PLGRKT: variants seen among roughly 807,000 people sequenced by gnomAD.
PLGRKT encodes the protein plasminogen receptor (KT).
PLGRKT carries 22 observed loss-of-function variants against 18.5 expected under a neutral mutation model. That is an observed-to-expected ratio of 1.19 (90% confidence interval 0.85 to 1.70). The LOEUF (loss-of-function observed/expected upper bound fraction) is 1.70. Ranked by LOEUF, PLGRKT falls within the 40% of genes most tolerant of loss-of-function variation. The pLI, the probability that PLGRKT is intolerant of heterozygous loss-of-function variation, is 0.00. For missense variants in PLGRKT, 235 were observed against 174.4 expected (o/e 1.35, Z -1.96); for synonymous variants, 72 against 52.8 (o/e 1.36, Z -1.58).
At chr9:5,367,060 CACACA>C (rs1817407908) in intron 3 of PLGRKT, among the ~76,000 whole-genome samples, 1 of 149,856 alleles carries the variant, frequency 6.7e-6, no homozygotes, top group African/African-American at 2.5e-5. Flanking sequence ...CACACACACA[CACACA>C]CACCCCTAGG....
chr9:5,406,496 A>T (rs1490219387), intron 3 of PLGRKT, among the ~76,000 whole-genome samples: 1 of 152,108 alleles, frequency 6.6e-6, no homozygotes, highest in Non-Finnish European at 1.5e-5. Context: ...ATCCTCAACA[A>T]ACTAACGCAG....
chr9:5,410,801 C>T (rs1818348125), intron 3 of PLGRKT, among the ~76,000 whole-genome samples: 2 of 152,168 alleles, frequency 1.3e-5, no homozygotes, highest in South Asian at 4.2e-4. Flanking sequence ...GAAATGGCAT[C>T]AGTATATCAA....
At chr9:5,396,693 T>C (rs996424149) in intron 3 of PLGRKT, among the ~76,000 whole-genome samples, 1 of 151,964 alleles carries the variant, frequency 6.6e-6, no homozygotes, top group Non-Finnish European at 1.5e-5. Context: ...TTAAAAATAA[T>C]AAATAAAGAC....
chr9:5,362,854 G>T (rs769980740), intron 3 of PLGRKT, among the ~76,000 whole-genome samples: 1 of 152,096 alleles, frequency 6.6e-6, no homozygotes, highest in Non-Finnish European at 1.5e-5. Flanking sequence ...GCCTCAGATG[G>T]GTTTGGGAAT....
chr9:5,427,083 A>C (rs1442662812), intron 3 of PLGRKT, among the ~76,000 whole-genome samples: 1 of 152,240 alleles, frequency 6.6e-6, no homozygotes, highest in African/African-American at 2.4e-5. Flanking sequence ...GAAAATATTA[A>C]ATGGAAAATT....
intron 3 of PLGRKT, among the ~76,000 whole-genome samples, chr9:5,420,344 G>A (rs1321529526): frequency 6.6e-6 from 1 of 152,168 alleles, no homozygotes; most frequent in Non-Finnish European, 1.5e-5. Flanking sequence ...GCACAACACT[G>A]TACATGTACT....
rs1273309870 is a variant in PLGRKT, at chr9:5,415,186, G to A, written c.81+16711C>T. 3.9e-5 allele frequency among the ~76,000 whole-genome samples: 6 copies of A among 152,106 alleles called. No homozygotes were observed. The East Asian group carries it at 1.2e-3, about 29-fold the overall frequency. On this transcript the variant is annotated intron_variant, in intron 3 of 5. Transcript: ENST00000223864. ...GAAGCAGGTACTCAAAAAAGGATGG[G>A]TTCTATTAAAAAGATATAGAAAGCA... is the stretch of plus-strand genomic sequence containing the variant.
intron 5 of PLGRKT, 27 bp from the exon 6 acceptor site, chr9:5,358,387 G>A: frequency 6.2e-7 from 1 of 1,609,198 alleles, no homozygotes; most frequent in Non-Finnish European, 8.5e-7. Context: ...AAATACACAA[G>A]GTGACAAAGG....
At chr9:5,407,834 A>G (rs918723876) in intron 3 of PLGRKT, among the ~76,000 whole-genome samples, 1 of 152,234 alleles carries the variant, frequency 6.6e-6, no homozygotes, top group African/African-American at 2.4e-5. Context: ...TAATTTTAAA[A>G]GAAAAGCAAA....
At chr9:5,389,415 A>C (rs2131107094) in intron 3 of PLGRKT, among the ~76,000 whole-genome samples, 1 of 152,026 alleles carries the variant, frequency 6.6e-6, no homozygotes. Context: ...TATGTTCTGC[A>C]GGAGAACATG....
At chr9:5,412,934 G>C (rs1390796632) in intron 3 of PLGRKT, among the ~76,000 whole-genome samples, 2 of 150,916 alleles carry the variant, frequency 1.3e-5, no homozygotes, top group Non-Finnish European at 2.9e-5. Flanking sequence ...CCAATAAACA[G>C]AAAATTCACA....
At chr9:5,431,440 A>C (rs748448492) in intron 3 of PLGRKT, among the ~76,000 whole-genome samples, 67 of 151,510 alleles carry the variant, frequency 4.4e-4, no homozygotes, top group Non-Finnish European at 8.7e-4. Flanking sequence ...AGGCTGAGGC[A>C]CAAGAATCGC....
chr9:5,388,237 T>C (rs958413795), intron 3 of PLGRKT, among the ~76,000 whole-genome samples: 1 of 151,624 alleles, frequency 6.6e-6, no homozygotes, highest in African/African-American at 2.4e-5. Flanking sequence ...GACAGCACAG[T>C]CAGAGAGACA....
At chr9:5,425,678 G>T (rs535345310) in intron 3 of PLGRKT, among the ~76,000 whole-genome samples, 1 of 151,804 alleles carries the variant, frequency 6.6e-6, no homozygotes, top group South Asian at 2.1e-4. Context: ...GTGAAGGTCT[G>T]AGGTGGGACC....
chr9:5,423,166 A>G (rs1818610498), intron 3 of PLGRKT, among the ~76,000 whole-genome samples: 1 of 152,150 alleles, frequency 6.6e-6, no homozygotes, highest in Non-Finnish European at 1.5e-5. Flanking sequence ...TCCTAACACA[A>G]TATTGAAAGT....
chr9:5,408,555 T>C (rs866803140), intron 3 of PLGRKT, among the ~76,000 whole-genome samples: 7 of 152,360 alleles, frequency 4.6e-5, no homozygotes, highest in Middle Eastern at 3.4e-3. Flanking sequence ...CTGGAACTTA[T>C]ATTTAAAAGG....
rs768188832 is a variant in PLGRKT at position 5,361,150 on chromosome 9, T to C, written c.250A>G (p.Ile84Val). ...KKKKPAFLVP[I>V]VPLSFILTYQ... The stretch of plus-strand genomic sequence containing the variant: ...GTGAGGATAAAGCTTAATGGAACAA[T>C]CGGGACCAGGAAGGCTGGCTTCTTT... The change falls in exon 5 of 6, where the codon ATT becomes GTT. Residue 84 changes from isoleucine to valine, a missense_variant. Coordinates refer to ENST00000223864, the MANE Select transcript of PLGRKT (RefSeq NM_018465.4). 2.5e-6 allele frequency: 4 copies of C among 1,611,228 alleles called. No homozygotes were observed. The highest frequency in any genetic ancestry group is 2.2e-5 in the South Asian group (2 of 90,782).
intron 3 of PLGRKT, among the ~76,000 whole-genome samples, chr9:5,372,731 C>T: frequency 6.6e-6 from 1 of 152,316 alleles, no homozygotes; most frequent in South Asian, 2.1e-4. Context: ...GGGGTGCCTA[C>T]TTGGCAGAAC....
intron 3 of PLGRKT, among the ~76,000 whole-genome samples, chr9:5,403,568 C>G (rs766973812): frequency 1.3e-5 from 2 of 152,186 alleles, no homozygotes; most frequent in Non-Finnish European, 2.9e-5. Flanking sequence ...GTGATTCATA[C>G]TTCACAGTAA....
Sources: allele counts gnomAD v4.1 joint callset (sites outside exome capture counted in the v4.1 genomes callset), GRCh38; gene constraint gnomAD v4.1.1; transcripts MANE v1.5; gene names NCBI Gene and HGNC (gene_info 2026-07-23, HGNC 2026-07-21).